Variants in MGAM2 observed in about 807,000 individuals in gnomAD.
MGAM2 encodes the protein probable maltase-glucoamylase 2.
A neutral mutation model predicts 96.1 loss-of-function variants in MGAM2; 98 were observed. The ratio of observed to expected loss-of-function variants is 1.02; its 90% CI spans 0.87 to 1.21. MGAM2 has a LOEUF of 1.21. Ranked by LOEUF, MGAM2 falls within the 50% of genes most tolerant of loss-of-function variation. The pLI, the probability that MGAM2 is intolerant of heterozygous loss-of-function variation, is 0.00. For synonymous variants in MGAM2, 749 were observed against 414.8 expected, an observed-to-expected ratio of 1.81 and a Z score of -9.79; for missense variants, 2,055 against 1,182.4, an observed-to-expected ratio of 1.74 and a Z score of -10.82.
At chr7:142,154,360 G>A (rs902756102) in intron 16 of MGAM2, among the ~76,000 whole-genome samples, 171 bp downstream of exon 16, 1 of 152,218 alleles carries the variant, frequency 6.6e-6, no homozygotes, top group Non-Finnish European at 1.5e-5. Flanking sequence ...TAGAATGGTA[G>A]TACTTTATCA....
intron 3 of MGAM2, among the ~76,000 whole-genome samples, chr7:142,123,963 CTTTTTT>C (rs960655956): frequency 2.9e-4 from 28 of 98,090 alleles, no homozygotes; most frequent in African/African-American, 4.8e-4. Context: ...AGTCCAGAAA[CTTTTTT>C]TTTTTTTTTT....
Position 142,185,060 on chromosome 7 carries a change from C to A in MGAM2, c.3925-17C>A. ...CAAGGATCTGTAAAGGTTTTAATTG[C>A]CCTTCTTTTTCTCTAGGTTTGGCCA... On this transcript the variant is annotated splice_polypyrimidine_tract_variant and intron_variant, in intron 33 of 47. Transcript: ENST00000477922. 1.4e-6 allele frequency: 1 copy of A among 702,530 alleles called. No individual in the cohort carries two copies. The highest frequency in any genetic ancestry group is 2.6e-6 in the Non-Finnish European group (1 of 384,780). The allele number at this position is 702,530 out of a possible 1,614,324, so 43.5% of individuals were successfully genotyped here.
At chr7:142,175,921 T>TG (rs1796360585) in intron 32 of MGAM2, 141 bp downstream of exon 32, 4 of 442,384 alleles carry the variant, frequency 9.0e-6, no homozygotes. Flanking sequence ...CAACTTCTTG[T>TG]GGTGAATCTA....
chr7:142,195,762 C>A (rs1172680910), intron 37 of MGAM2, among the ~76,000 whole-genome samples: 1 of 152,164 alleles, frequency 6.6e-6, no homozygotes, highest in African/African-American at 2.4e-5. Context: ...TGAATCTTAG[C>A]TTCCTAACAG....
chr7:142,169,312 CT>C (rs1358991948), intron 26 of MGAM2, among the ~76,000 whole-genome samples: 1 of 152,102 alleles, frequency 6.6e-6, no homozygotes, highest in Non-Finnish European at 1.5e-5. Flanking sequence ...GTTCTAGCTA[CT>C]CAGGAGGCTG....
chr7:142,157,853 G>C (rs1292222268), intron 17 of MGAM2, 84 bp from the exon 18 acceptor site: 5 of 660,172 alleles, frequency 7.6e-6, no homozygotes, highest in Admixed American at 4.4e-5. Context: ...GAAGTGGCTA[G>C]TTTCATCTGG....
intron 23 of MGAM2, among the ~76,000 whole-genome samples, chr7:142,163,205 T>G (rs1209337243): frequency 6.6e-6 from 1 of 152,230 alleles, no homozygotes; most frequent in African/African-American, 2.4e-5. Flanking sequence ...ATGGCTCCAG[T>G]CATGAGCTGT....
At chr7:142,160,667 G>A (rs2129086429) in intron 21 of MGAM2, among the ~76,000 whole-genome samples, 1 of 151,376 alleles carries the variant, frequency 6.6e-6, no homozygotes. Context: ...CTGGGTTCAA[G>A]CCTTGGTTTG....
At chr7:142,165,836 G>A (rs1262720591) in intron 24 of MGAM2, among the ~76,000 whole-genome samples, 1 of 152,116 alleles carries the variant, frequency 6.6e-6, no homozygotes, top group African/African-American at 2.4e-5. Context: ...CACACCCAGA[G>A]GACAGTAAGC....
At chr7:142,151,740 G>A (rs12538666) in intron 15 of MGAM2, among the ~76,000 whole-genome samples, 33,025 of 152,142 alleles carry the variant, frequency 0.22, 4,448 homozygotes, top group East Asian at 0.36. Flanking sequence ...TATTCTAATA[G>A]TTATGGTTAA....
In MGAM2 at chr7:142,196,213, C is replaced by T. The variant is rs983260393; in HGVS notation, c.4406C>T (p.Ser1469Phe). The change falls in exon 38 of 48, where the codon TCT (serine) becomes TTT (phenylalanine). Residue 1469 changes from serine to phenylalanine, a missense_variant. Transcript: ENST00000477922. ...ATCATCACCCGCTCCACATTTCCCT[C>T]TTCTGGACGCTGGGGAGGACACCGG... ...GVIITRSTFP[S>F]SGRWGGHRLG... 1.3e-5 allele frequency: 15 copies of T among 1,137,434 alleles called. No homozygotes were observed. The African/African-American group carries it at 2.0e-4, about 15-fold the overall frequency. 70.5% of individuals were successfully genotyped at this position (1,137,434 alleles called of 1,614,324 possible).
intron 45 of MGAM2, among the ~76,000 whole-genome samples, chr7:142,200,460 A>T (rs1458927571): frequency 1.7e-4 from 26 of 152,214 alleles, no homozygotes; most frequent in Non-Finnish European, 1.5e-5. Flanking sequence ...TCGATGAAAT[A>T]TTAATTTGTA....
chr7:142,175,586 G>A, intron 31 of MGAM2, 66 bp from the exon 32 acceptor site: 3 of 678,116 alleles, frequency 4.4e-6, no homozygotes, highest in South Asian at 3.1e-5. Context: ...GCCTGGCAGA[G>A]CAGTTAATGT....
intron 26 of MGAM2, among the ~76,000 whole-genome samples, chr7:142,168,420 C>T (rs975565013): frequency 1.3e-5 from 2 of 152,146 alleles, no homozygotes; most frequent in East Asian, 3.9e-4. Flanking sequence ...CAGGCACCCG[C>T]CTCCACGCCC....
At chr7:142,144,271 T>C (rs1419559444) in intron 13 of MGAM2, among the ~76,000 whole-genome samples, 1 of 152,162 alleles carries the variant, frequency 6.6e-6, no homozygotes, top group Admixed American at 6.5e-5. Flanking sequence ...GGAAGAACAA[T>C]AGGAATTTCT....
chr7:142,173,070 T>A (rs1796247574), intron 30 of MGAM2, among the ~76,000 whole-genome samples, 159 bp from the exon 31 acceptor site: 1 of 152,222 alleles, frequency 6.6e-6, no homozygotes, highest in South Asian at 2.1e-4. Context: ...TCATTTTGCA[T>A]GTCTGTAGTT....
intron 17 of MGAM2, among the ~76,000 whole-genome samples, chr7:142,156,712 T>G (rs768197094): frequency 3.3e-5 from 5 of 151,930 alleles, no homozygotes; most frequent in Non-Finnish European, 5.9e-5. Flanking sequence ...GTGCATAGAG[T>G]GGTCTCATGG....
rs189639747 is a variant in MGAM2, at chr7:142,113,147, A to G, written c.-1+1340A>G. Among the ~76,000 whole-genome samples, 136 of 152,344 alleles carry G rather than the reference A, an allele frequency of 8.9e-4. 1 individual carries two copies. The highest frequency in any genetic ancestry group is 3.1e-3 in the African/African-American group (130 of 41,574). The stretch of plus-strand genomic sequence containing the variant: ...GCATTGGGGAGGAGTTGAGAAGAGC[A>G]GGGAGGCAGGGAAATGAAAAGTAAG... On this transcript the variant is annotated intron_variant, in intron 1 of 47. Transcript: ENST00000477922.
At chr7:142,202,062 C>A (rs1797253635) in intron 45 of MGAM2, among the ~76,000 whole-genome samples, 1 of 152,064 alleles carries the variant, frequency 6.6e-6, no homozygotes, top group Non-Finnish European at 1.5e-5. Flanking sequence ...GTGAAAGATG[C>A]TAAAAATACA....
Sources: allele counts gnomAD v4.1 joint callset (sites outside exome capture counted in the v4.1 genomes callset), GRCh38; gene constraint gnomAD v4.1.1; transcripts MANE v1.5; gene names NCBI Gene and HGNC (gene_info 2026-07-23, HGNC 2026-07-21).